CEP83: variants seen among roughly 807,000 people sequenced by gnomAD.
CEP83 encodes centrosomal protein 83, also known as centrosomal protein of 83 kDa.
CEP83 carries 70 observed loss-of-function variants against 101.9 expected under a neutral mutation model. That is an observed-to-expected ratio of 0.69 (90% CI 0.57 to 0.84). The LOEUF is 0.84. CEP83 is among the 40% of genes least tolerant of loss of function. The pLI is 0.00. For synonymous variants in CEP83, 264 were observed against 267.9 expected (o/e 0.99, Z 0.14); for missense variants, 715 against 787.2 (o/e 0.91, Z 1.10).
At chr12:94,437,299 C>T (rs538960273) in intron 1 of CEP83, among the ~76,000 whole-genome samples, 1 of 152,156 alleles carries the variant, frequency 6.6e-6, no homozygotes, top group African/African-American at 2.4e-5. Flanking sequence ...GAGCCAAGAT[C>T]GTGCCACTGC....
chr12:94,283,529 T>C, the CEP83 span, among the ~76,000 whole-genome samples: 1 of 152,174 alleles, frequency 6.6e-6, no homozygotes, highest in Non-Finnish European at 1.5e-5. Context: ...GGAATTGAGA[T>C]AAAGTAATTT....
At chr12:94,339,550 T>C (rs1031103541) in intron 11 of CEP83, among the ~76,000 whole-genome samples, 7 of 152,220 alleles carry the variant, frequency 4.6e-5, no homozygotes, top group African/African-American at 4.8e-5. Flanking sequence ...AGTAATATCA[T>C]ATTGGGCAGC....
intron 8 of CEP83, among the ~76,000 whole-genome samples, chr12:94,374,220 G>A (rs2061425131): frequency 6.6e-6 from 1 of 152,136 alleles, no homozygotes; most frequent in Non-Finnish European, 1.5e-5. Context: ...GCACACAGGT[G>A]AGCTAGGGAG....
intron 4 of CEP83, among the ~76,000 whole-genome samples, chr12:94,410,962 T>C (rs897895442): frequency 2.0e-5 from 3 of 152,198 alleles, no homozygotes; most frequent in African/African-American, 7.2e-5. Context: ...AGATGCCTTC[T>C]TACTCTATGA....
Position 94,372,031 on chromosome 12 carries a change from T to C in CEP83, c.934-1995A>G, listed in dbSNP as rs543450013. 2.0e-5 allele frequency among the ~76,000 whole-genome samples: 3 copies of C among 152,300 alleles called. No homozygotes were observed. In the East Asian group the frequency reaches 5.8e-4, roughly 29 times the overall value. On this transcript the variant is annotated intron_variant, in intron 8 of 16. Transcript: ENST00000397809. ...CTCTGTCGCCCAGGCTGGAGTACAG[T>C]GGCTTAATCTCAGCTTACTGCAACC...
At chr12:94,332,548 C>A (rs1160434000) in intron 13 of CEP83, among the ~76,000 whole-genome samples, 1 of 152,044 alleles carries the variant, frequency 6.6e-6, no homozygotes, top group Non-Finnish European at 1.5e-5. Flanking sequence ...ATTTAGAAAC[C>A]AATGATTAAT....
chr12:94,342,669 C>T (rs1274108180), intron 11 of CEP83, among the ~76,000 whole-genome samples: 1 of 151,804 alleles, frequency 6.6e-6, no homozygotes, highest in African/African-American at 2.4e-5. Context: ...ACATATAAAA[C>T]ACACATTTAA....
intron 2 of CEP83, among the ~76,000 whole-genome samples, chr12:94,425,418 AGATCATGC>A: frequency 6.6e-6 from 1 of 152,208 alleles, no homozygotes; most frequent in African/African-American, 2.4e-5. Context: ...AGATCCAATC[AGATCATGC>A]CTTGTTATCC....
At chr12:94,333,929 G>T (rs561785821) in intron 12 of CEP83, among the ~76,000 whole-genome samples, 1 of 152,028 alleles carries the variant, frequency 6.6e-6, no homozygotes. Flanking sequence ...TTATCAGGGG[G>T]ATTAGCAGTG....
At chr12:94,311,930 C>G (rs1341466150) in intron 15 of CEP83, among the ~76,000 whole-genome samples, 3 of 152,058 alleles carry the variant, frequency 2.0e-5, no homozygotes, top group African/African-American at 7.2e-5. Flanking sequence ...AAGGACTGAG[C>G]CAGGAATGGT....
intron 9 of CEP83, 43 bp downstream of exon 9, chr12:94,369,875 TCTGA>T: frequency 1.0e-6 from 1 of 958,952 alleles, no homozygotes; most frequent in Non-Finnish European, 1.6e-6. Context: ...TGAGTTCATA[TCTGA>T]AAATAAGCAG....
chr12:94,355,186 C>T (rs2060395514), intron 11 of CEP83, among the ~76,000 whole-genome samples: 1 of 151,886 alleles, frequency 6.6e-6, no homozygotes, highest in Non-Finnish European at 1.5e-5. Context: ...AATCATGTTC[C>T]CCAGGGAACT....
At chr12:94,425,500 T>C (rs1348812629) in intron 2 of CEP83, among the ~76,000 whole-genome samples, 4 of 152,198 alleles carry the variant, frequency 2.6e-5, no homozygotes, top group African/African-American at 9.6e-5. Flanking sequence ...TCCTTACTTG[T>C]TGCAAGTAAT....
At chr12:94,379,427 T>C (rs935981748) in intron 6 of CEP83, among the ~76,000 whole-genome samples, 1 of 152,214 alleles carries the variant, frequency 6.6e-6, no homozygotes, top group African/African-American at 2.4e-5. Flanking sequence ...ACTGTAATTC[T>C]TGAGCTAGTC....
chr12:94,445,280 C>CAT (rs950000845), intron 1 of CEP83, among the ~76,000 whole-genome samples: 4 of 151,850 alleles, frequency 2.6e-5, no homozygotes, highest in African/African-American at 9.7e-5. Flanking sequence ...CATACACACA[C>CAT]ACACACACAC....
the CEP83 span, among the ~76,000 whole-genome samples, chr12:94,288,049 C>T: frequency 1.8e-4 from 28 of 152,352 alleles, no homozygotes; most frequent in Middle Eastern, 3.4e-3. Context: ...TGCGCAGGGC[C>T]TGAGGGATAC....
chr12:94,354,218 T>C (rs925361604), intron 11 of CEP83, among the ~76,000 whole-genome samples: 23 of 151,290 alleles, frequency 1.5e-4, no homozygotes, highest in Non-Finnish European at 2.1e-4. Flanking sequence ...TGAGATGGAG[T>C]CTTGCTCTGG....
chr12:94,336,136 G>A (rs923497958), intron 11 of CEP83, among the ~76,000 whole-genome samples: 3 of 152,128 alleles, frequency 2.0e-5, no homozygotes, highest in Non-Finnish European at 4.4e-5. Context: ...CAAGGCTACA[G>A]ATTTAAAAGA....
intron 8 of CEP83, among the ~76,000 whole-genome samples, chr12:94,374,983 TATA>T (rs1229596299): frequency 6.6e-6 from 1 of 152,168 alleles, no homozygotes; most frequent in African/African-American, 2.4e-5. Context: ...TTAAGGAGAA[TATA>T]AATGTAGATC....
Sources: gnomAD v4.1 joint callset for allele counts (sites outside exome capture counted in the v4.1 genomes callset) on GRCh38, gnomAD v4.1.1 for gene constraint, MANE v1.5 for transcripts, NCBI Gene and HGNC (gene_info 2026-07-23, HGNC 2026-07-21) for gene names.